The following EPHA7 variants were observed in gnomAD, a reference collection of about 807,000 sequenced individuals.
EPHA7 encodes the protein ephrin type-A receptor 7.
In EPHA7, 25 loss-of-function variants were observed where a neutral mutation model predicts 112.6. The ratio of observed to expected loss-of-function variants is 0.22; its 90% CI spans 0.16 to 0.31. The LOEUF is 0.31. Among genes scored for constraint, EPHA7 ranks in the 10% least tolerant of loss-of-function variants. The probability of loss-of-function intolerance (pLI) is 1.00; values close to 1 mark genes in which losing one functional copy is unlikely to be tolerated. For synonymous variants in EPHA7, 437 were observed against 406.5 expected (o/e 1.07, Z -0.90); for missense variants, 962 against 1,212.6 (o/e 0.79, Z 3.07).
chr6:93,393,405 T>C (rs545139702), intron 3 of EPHA7, among the ~76,000 whole-genome samples: 6 of 151,938 alleles, frequency 3.9e-5, no homozygotes, highest in Non-Finnish European at 7.4e-5. Context: ...ATATGAAATA[T>C]ATTTAGTACC....
At chr6:93,260,254 A>G (rs931552110) in intron 9 of EPHA7, among the ~76,000 whole-genome samples, 4 of 151,924 alleles carry the variant, frequency 2.6e-5, no homozygotes, top group African/African-American at 9.7e-5. Flanking sequence ...GGTAGCCAAT[A>G]TGCCTCACAA....
intron 1 of EPHA7, among the ~76,000 whole-genome samples, chr6:93,418,030 C>T (rs1779332496): frequency 6.6e-6 from 1 of 152,058 alleles, no homozygotes; most frequent in African/African-American, 2.4e-5. Flanking sequence ...ACACCCCGCC[C>T]GATAACCACC....
intron 2 of EPHA7, among the ~76,000 whole-genome samples, chr6:93,412,107 G>A (rs1779004292): frequency 6.6e-6 from 1 of 151,920 alleles, no homozygotes; most frequent in Non-Finnish European, 1.5e-5. Flanking sequence ...AATCTTAAAA[G>A]CCTAAATGAA....
At chr6:93,321,183 A>G (rs1006121540) in intron 5 of EPHA7, among the ~76,000 whole-genome samples, 2 of 152,004 alleles carry the variant, frequency 1.3e-5, no homozygotes, top group East Asian at 1.9e-4. Flanking sequence ...ATAAAAATGT[A>G]TATAACTGGT....
intron 3 of EPHA7, among the ~76,000 whole-genome samples, chr6:93,399,846 G>A (rs1293585312): frequency 6.6e-6 from 1 of 151,990 alleles, no homozygotes. Flanking sequence ...ACTGTTGGAA[G>A]TATAAATGAG....
At position 93,245,297 on chromosome 6, in the gene EPHA7, C is replaced by T. The variant is rs1418268431; in HGVS notation, c.2882+1G>A. 2 of 1,611,872 alleles carry T rather than the reference C, an allele frequency of 1.2e-6. No individual in the cohort carries two copies. Among genetic ancestry groups the T allele is most frequent in the Non-Finnish European group, 1.7e-6 (2 of 1,179,416 alleles). ...ATACAATTTTAAGAGTTTAAGCTTA[C>T]TCAATAGTCATCCTGGCTACTGATT... On this transcript the variant is annotated splice_donor_variant, in intron 16 of 16. Transcript: ENST00000369303. LOFTEE classifies it high-confidence loss of function.
intron 5 of EPHA7, among the ~76,000 whole-genome samples, chr6:93,281,730 T>C (rs1001190872): frequency 6.6e-6 from 1 of 152,144 alleles, no homozygotes; most frequent in African/African-American, 2.4e-5. Context: ...CTCAAAAATA[T>C]TATAATGCCA....
At position 93,240,892 on chromosome 6, in the gene EPHA7, A is replaced by C. The variant is rs1769662160; in HGVS notation, c.*2534T>G. 1 of 209,002 alleles carries C rather than the reference A, an allele frequency of 4.8e-6. No homozygotes were observed. Among genetic ancestry groups the C allele is most frequent in the East Asian group, 7.2e-5 (1 of 13,880 alleles). The allele number at this position is 209,002 out of a possible 1,614,324, so 12.9% of individuals were successfully genotyped here. On this transcript the variant is annotated 3_prime_UTR_variant, in exon 17 of 17. Transcript: ENST00000369303. ...TTTCACATACATGTATTTCGAAATC[A>C]TAATGTTGATTAGGAAAAGAAACTT...
chr6:93,256,089 C>CA, intron 12 of EPHA7, 52 bp from the exon 13 acceptor site: 1 of 1,496,292 alleles, frequency 6.7e-7, no homozygotes, highest in Non-Finnish European at 9.2e-7. Context: ...TTAAAAGGGA[C>CA]AAAAATCACC....
intron 5 of EPHA7, among the ~76,000 whole-genome samples, chr6:93,312,766 C>T (rs542683837): frequency 2.6e-5 from 4 of 152,220 alleles, no homozygotes; most frequent in African/African-American, 4.8e-5. Flanking sequence ...TTATTTCTAG[C>T]TTTTGATTTA....
At chr6:93,266,888 T>G (rs2127872975) in intron 7 of EPHA7, among the ~76,000 whole-genome samples, 1 of 151,894 alleles carries the variant, frequency 6.6e-6, no homozygotes, top group East Asian at 2.0e-4. Context: ...TAGTACCTTA[T>G]GCTGACTCAC....
intron 5 of EPHA7, among the ~76,000 whole-genome samples, chr6:93,297,794 A>G (rs1772751163): frequency 6.6e-6 from 1 of 152,168 alleles, no homozygotes; most frequent in Non-Finnish European, 1.5e-5. Flanking sequence ...ACCAAGACAT[A>G]CTACAAAGGC....
intron 2 of EPHA7, among the ~76,000 whole-genome samples, chr6:93,413,878 C>T (rs374991620): frequency 2.6e-5 from 4 of 151,826 alleles, no homozygotes; most frequent in South Asian, 2.1e-4. Context: ...ACACTCCACA[C>T]GGTTTTTAAT....
intron 5 of EPHA7, among the ~76,000 whole-genome samples, chr6:93,314,532 A>C (rs1249066487): frequency 1.3e-5 from 2 of 152,194 alleles, no homozygotes; most frequent in African/African-American, 4.8e-5. Flanking sequence ...GACCATTTGC[A>C]GAGCTCTTAG....
In EPHA7 at chr6:93,293,317, T is replaced by G. The variant is rs774762157; in HGVS notation, c.1325-20895A>C. 5.9e-4 allele frequency among the ~76,000 whole-genome samples: 89 copies of G among 152,082 alleles called. 1 individual carries two copies. The highest frequency in any genetic ancestry group is 3.2e-3 in the Admixed American group (49 of 15,254). ...AATTATGTTTCAGAATATTTAGGTA[T>G]TTAGTATTAAGAATTATTAATGAAT... On this transcript the variant is annotated intron_variant, in intron 5 of 16. Transcript: ENST00000369303.
intron 3 of EPHA7, among the ~76,000 whole-genome samples, chr6:93,379,312 C>G (rs1446054407): frequency 1.3e-5 from 2 of 151,956 alleles, no homozygotes; most frequent in Non-Finnish European, 2.9e-5. Flanking sequence ...TTAAATTTGA[C>G]AAATAATTCT....
Position 93,343,974 on chromosome 6 carries a change from T to C in EPHA7, c.1324+12743A>G, listed in dbSNP as rs150580730. 2.8e-3 allele frequency among the ~76,000 whole-genome samples: 425 copies of C among 151,756 alleles called. 4 individuals carry two copies. The highest frequency in any genetic ancestry group is 9.8e-3 in the African/African-American group (406 of 41,498). On this transcript the variant is annotated intron_variant, in intron 5 of 16. Transcript: ENST00000369303. ...AGGAAATGTGTCTAAAAATAAAAGA[T>C]TTATCAGTATTAACAAATACTGCAC...
intron 3 of EPHA7, among the ~76,000 whole-genome samples, chr6:93,379,326 A>C (rs1406258666): frequency 6.6e-6 from 1 of 152,052 alleles, no homozygotes; most frequent in Non-Finnish European, 1.5e-5. Context: ...TAATTCTATA[A>C]AATGCTTTAC....
At chr6:93,348,419 T>C (rs977757705) in intron 5 of EPHA7, among the ~76,000 whole-genome samples, 1 of 151,834 alleles carries the variant, frequency 6.6e-6, no homozygotes, top group Non-Finnish European at 1.5e-5. Context: ...CCAATCCTGA[T>C]CTCTGTGCTT....
Sources: allele counts gnomAD v4.1 joint callset (sites outside exome capture counted in the v4.1 genomes callset), GRCh38; gene constraint gnomAD v4.1.1; transcripts MANE v1.5; gene names NCBI Gene and HGNC (gene_info 2026-07-23, HGNC 2026-07-21).